The following RIN2 variants were observed in gnomAD, a reference collection of about 807,000 sequenced individuals.
RIN2 encodes Ras and Rab interactor 2, also known as RAB5 interacting protein 2.
In RIN2, 36 loss-of-function variants were observed where a neutral mutation model predicts 78.0. That is an observed-to-expected ratio of 0.46 (90% CI 0.35 to 0.61). The LOEUF (loss-of-function observed/expected upper bound fraction) is 0.61. Ranked by LOEUF, RIN2 falls within the 20% of genes least tolerant of loss-of-function variation. The pLI, the probability that RIN2 is intolerant of heterozygous loss-of-function variation, is 0.00. For synonymous variants in RIN2, 466 were observed against 466.8 expected, an observed-to-expected ratio of 1.00 and a Z score of 0.02; for missense variants, 1,087 against 1,159.7, an observed-to-expected ratio of 0.94 and a Z score of 0.91.
intron 3 of RIN2, among the ~76,000 whole-genome samples, chr20:19,922,866 G>C (rs1280616972): frequency 6.6e-6 from 1 of 152,110 alleles, no homozygotes. Context: ...CCTTTCACTC[G>C]CCTGTCTTTG....
At chr20:19,860,780 T>A (rs1364103401) in intron 2 of RIN2, among the ~76,000 whole-genome samples, 1 of 152,212 alleles carries the variant, frequency 6.6e-6, no homozygotes, top group East Asian at 1.9e-4. Flanking sequence ...TCTTATTTAA[T>A]TATGTCCCTC....
intron 3 of RIN2, among the ~76,000 whole-genome samples, chr20:19,907,205 C>T (rs1165475279): frequency 1.3e-5 from 2 of 152,224 alleles, no homozygotes; most frequent in African/African-American, 4.8e-5. Flanking sequence ...AACCAGCCCA[C>T]TCCCAAAATA....
chr20:19,908,837 C>T (rs796783284), intron 3 of RIN2, among the ~76,000 whole-genome samples: 36 of 152,300 alleles, frequency 2.4e-4, no homozygotes, highest in African/African-American at 7.2e-4. Flanking sequence ...GGAAAAAATA[C>T]ACGTGGAACA....
At chr20:19,969,681 C>T (rs924526576) in intron 7 of RIN2, among the ~76,000 whole-genome samples, 1 of 152,178 alleles carries the variant, frequency 6.6e-6, no homozygotes, top group African/African-American at 2.4e-5. Flanking sequence ...GATGCAATGT[C>T]TGGCACATTG....
intron 1 of RIN2, among the ~76,000 whole-genome samples, chr20:19,766,482 G>A (rs983006217): frequency 9.2e-5 from 14 of 152,150 alleles, no homozygotes; most frequent in Admixed American, 5.2e-4. Context: ...CAAGGGCAAT[G>A]TGGTTGCATA....
At chr20:19,832,009 G>A (rs1012534613) in intron 2 of RIN2, among the ~76,000 whole-genome samples, 3 of 151,942 alleles carry the variant, frequency 2.0e-5, no homozygotes, top group Admixed American at 6.6e-5. Flanking sequence ...CACAGTGTTC[G>A]CCATGTACCT....
chr20:19,876,401 A>G (rs1197727541), intron 2 of RIN2, among the ~76,000 whole-genome samples: 1 of 152,146 alleles, frequency 6.6e-6, no homozygotes, highest in Non-Finnish European at 1.5e-5. Flanking sequence ...ACTATAATTC[A>G]AAAAAAGGGA....
chr20:19,875,750 A>G (rs1215010279), intron 2 of RIN2, among the ~76,000 whole-genome samples: 2 of 152,060 alleles, frequency 1.3e-5, no homozygotes, highest in African/African-American at 2.4e-5. Context: ...ATCACTCAAC[A>G]CGTTCCCAGC....
intron 2 of RIN2, among the ~76,000 whole-genome samples, chr20:19,879,186 T>A (rs1425545877): frequency 6.6e-6 from 1 of 152,252 alleles, no homozygotes; most frequent in Admixed American, 6.5e-5. Flanking sequence ...CTTTTAAACA[T>A]GCCTGAACTT....
At chr20:19,859,347 C>A (rs993328683) in intron 2 of RIN2, among the ~76,000 whole-genome samples, 2 of 152,220 alleles carry the variant, frequency 1.3e-5, no homozygotes, top group African/African-American at 4.8e-5. Context: ...CTAATCCTGA[C>A]TCTACCACTT....
At chr20:19,813,865 T>C (rs2035679836) in intron 2 of RIN2, among the ~76,000 whole-genome samples, 1 of 152,208 alleles carries the variant, frequency 6.6e-6, no homozygotes, top group Non-Finnish European at 1.5e-5. Context: ...ACATAGTCTT[T>C]ATTATCTGGG....
intron 1 of RIN2, among the ~76,000 whole-genome samples, chr20:19,765,983 C>T (rs2033868216): frequency 6.6e-6 from 1 of 151,990 alleles, no homozygotes; most frequent in Non-Finnish European, 1.5e-5. Flanking sequence ...GGAGAATGGT[C>T]CTCCTAGGTT....
chr20:19,767,536 G>A (rs1294258545), intron 1 of RIN2, among the ~76,000 whole-genome samples: 1 of 152,178 alleles, frequency 6.6e-6, no homozygotes, highest in African/African-American at 2.4e-5. Flanking sequence ...AGACCAGAGG[G>A]CAGGAGGTCA....
chr20:19,956,750 G>A lies in RIN2; in HGVS notation c.294G>A (p.Leu98=), dbSNP rs1248829341. The change falls in exon 5 of 13, where the codon CTG becomes CTA. Residue 98 remains leucine (L), a synonymous_variant. Transcript: ENST00000255006. Reference sequence around the variant, plus strand: ...TCCTCCACACCCACCCCATATGGCTGCAGCTGAGTCTGAGTGAGGAGGAGG... The same window carrying A: ...TCCTCCACACCCACCCCATATGGCTACAGCTGAGTCTGAGTGAGGAGGAGG... The part of the protein sequence containing the change: ...DRLLHTHPIW[L]QLSLSEEEAA... 1.3e-5 allele frequency: 21 copies of A among 1,607,480 alleles called. No individual in the cohort carries two copies. Among genetic ancestry groups the A allele is most frequent in the Non-Finnish European group, 1.7e-5 (20 of 1,177,086 alleles).
At chr20:19,769,465 C>G (rs1300452108) in intron 1 of RIN2, among the ~76,000 whole-genome samples, 2 of 152,232 alleles carry the variant, frequency 1.3e-5, no homozygotes, top group Non-Finnish European at 2.9e-5. Flanking sequence ...TAGGCACCTT[C>G]CCACCTCCAT....
intron 2 of RIN2, among the ~76,000 whole-genome samples, chr20:19,801,308 T>C (rs2035234086): frequency 6.6e-6 from 1 of 152,042 alleles, no homozygotes; most frequent in Admixed American, 6.6e-5. Context: ...TTATTATTAT[T>C]TTTTGAAATG....
chr20:19,949,825 A>G (rs894915621), intron 4 of RIN2, among the ~76,000 whole-genome samples: 1 of 152,216 alleles, frequency 6.6e-6, no homozygotes, highest in African/African-American at 2.4e-5. Flanking sequence ...AATTAGGACA[A>G]GAAAAGGCAT....
intron 3 of RIN2, among the ~76,000 whole-genome samples, chr20:19,902,614 A>T (rs1186688269): frequency 1.3e-5 from 2 of 152,256 alleles, no homozygotes; most frequent in East Asian, 3.9e-4. Context: ...AGTCCGAGGG[A>T]GCTGGGGGAG....
At chr20:19,886,810 T>G (rs761869897) in intron 2 of RIN2, 95 of 1,359,970 alleles carry the variant, frequency 7.0e-5, no homozygotes, top group Non-Finnish European at 9.2e-5. Context: ...GTCTAGCCTG[T>G]TACTGGGATG....
Sources: allele counts gnomAD v4.1 joint callset (sites outside exome capture counted in the v4.1 genomes callset), GRCh38; gene constraint gnomAD v4.1.1; transcripts MANE v1.5; gene names NCBI Gene and HGNC (gene_info 2026-07-23, HGNC 2026-07-21).